Variants in KIRREL3 observed in about 807,000 individuals in gnomAD.
KIRREL3 encodes kin of IRRE-like protein 3.
A neutral mutation model predicts 89.7 loss-of-function variants in KIRREL3; 36 were observed. The observed-to-expected ratio is 0.40, with a 90% CI of 0.31 to 0.53. The LOEUF (loss-of-function observed/expected upper bound fraction) is 0.53, where lower values mean the gene tolerates loss of function less well. Ranked by LOEUF, KIRREL3 falls within the 20% of genes least tolerant of loss-of-function variation. The pLI is 0.49. For missense variants in KIRREL3, 864 were observed against 1,056.6 expected (o/e 0.82, Z 2.53); for synonymous variants, 445 against 441.4 (o/e 1.01, Z -0.10).
chr11:126,471,335 A>C lies in KIRREL3; in HGVS notation c.591+1974T>G, dbSNP rs1041844646. Among the ~76,000 whole-genome samples the C allele has an allele frequency of 2.6e-5, 4 of 152,102 alleles. No individual in the cohort carries two copies. In the East Asian group the frequency reaches 7.7e-4, roughly 29 times the overall value. On this transcript the variant is annotated intron_variant, in intron 5 of 16. Transcript: ENST00000525144. This position sits in a 1 kb window ranked among gnomAD's most constrained non-coding sequence, Gnocchi z 5.4. ...CGGTGAGCTGAGATCACGCCATTGCACTCCAGTCTGGGCAACAAGAGTGAA... is the reference window on the plus strand; with the variant it reads ...CGGTGAGCTGAGATCACGCCATTGCCCTCCAGTCTGGGCAACAAGAGTGAA...
At chr11:126,713,772 C>T (rs1947851287) in intron 1 of KIRREL3, among the ~76,000 whole-genome samples, 1 of 152,020 alleles carries the variant, frequency 6.6e-6, no homozygotes, top group Admixed American at 6.5e-5. Context: ...GTGGGCGAGA[C>T]CTCCTTGAAG....
Position 126,513,782 on chromosome 11 carries a change from C to A in KIRREL3, c.433+7533G>T, listed in dbSNP as rs79033089. 0.023 allele frequency among the ~76,000 whole-genome samples: 3,443 copies of A among 152,272 alleles called. 147 individuals are homozygous for A. The highest frequency in any genetic ancestry group is 0.079 in the African/African-American group (3,281 of 41,532). On this transcript the variant is annotated intron_variant, in intron 4 of 16. Coordinates refer to ENST00000525144, the MANE Select transcript of KIRREL3 (RefSeq NM_032531.4). This position sits in a 1 kb window ranked among gnomAD's most constrained non-coding sequence, Gnocchi z 5.9. ...CTGGGGCGACCCGCACACCTCAACT[C>A]AATGGCTGCAAGACCTCCAGGGAGA... is the stretch of plus-strand genomic sequence containing the variant.
In KIRREL3 at chr11:126,427,780, C is replaced by A. The variant is rs2134139088; in HGVS notation, c.1806+1399G>T. 6.6e-6 allele frequency among the ~76,000 whole-genome samples: 1 copy of A among 152,240 alleles called. No individual in the cohort carries two copies. The highest frequency in any genetic ancestry group is 2.4e-5 in the African/African-American group (1 of 41,552). On this transcript the variant is annotated intron_variant, in intron 15 of 16. Transcript: ENST00000525144. The surrounding 1 kb of genome is among the most constrained non-coding windows in gnomAD (Gnocchi z 5.3). The stretch of plus-strand genomic sequence containing the variant: ...TTTTAGAAAGGCTGCTTTCTCAAGG[C>A]TCTCGAGGGTGGATTGAGAAAAGAG...
At position 126,643,840 on chromosome 11, in the gene KIRREL3, G is replaced by T. The variant is rs1395188173; in HGVS notation, c.56-80928C>A. Reference sequence around the variant, plus strand: ...GACCAAAAAGATGAAGAGAATGAGGGGAGGAAGAGCAAAGCTGACCCTGAG... The same window carrying T: ...GACCAAAAAGATGAAGAGAATGAGGTGAGGAAGAGCAAAGCTGACCCTGAG... On this transcript the variant is annotated intron_variant, in intron 1 of 16. Transcript: ENST00000525144. The surrounding 1 kb of genome is among the most constrained non-coding windows in gnomAD (Gnocchi z 4.5). 6.6e-6 allele frequency among the ~76,000 whole-genome samples: 1 copy of T among 151,938 alleles called. No homozygotes were observed. The highest frequency in any genetic ancestry group is 2.4e-5 in the African/African-American group (1 of 41,352).
intron 1 of KIRREL3, among the ~76,000 whole-genome samples, chr11:126,963,719 T>A (rs1237474405): frequency 1.3e-5 from 2 of 152,184 alleles, no homozygotes; most frequent in Non-Finnish European, 2.9e-5. Context: ...CCTACACTTA[T>A]GAAATGTGTT....
chr11:126,824,895 T>C (rs1267417532), intron 1 of KIRREL3, among the ~76,000 whole-genome samples: 1 of 152,138 alleles, frequency 6.6e-6, no homozygotes, highest in East Asian at 1.9e-4. Context: ...ACAGAACCAT[T>C]TTAGGGTAAA....
At chr11:126,450,418 AGTGGGCATGTATGT>A (rs1383599768) in intron 7 of KIRREL3, among the ~76,000 whole-genome samples, 2 of 121,552 alleles carry the variant, frequency 1.6e-5, no homozygotes, top group African/African-American at 6.6e-5. Flanking sequence ...TGCATGTGTG[AGTGGGCATGTATGT>A]GTCCATGTGT....
intron 1 of KIRREL3, among the ~76,000 whole-genome samples, chr11:126,799,881 G>A (rs1269774421): frequency 6.6e-6 from 1 of 152,190 alleles, no homozygotes; most frequent in Non-Finnish European, 1.5e-5. Flanking sequence ...AAAAGCGCAG[G>A]AGCCTGGCTG....
chr11:126,604,242 C>T (rs891001814), intron 1 of KIRREL3, among the ~76,000 whole-genome samples: 3 of 152,168 alleles, frequency 2.0e-5, no homozygotes, highest in African/African-American at 7.2e-5. Context: ...AACGAGGACG[C>T]AGAGCTGACA....
At position 126,586,662 on chromosome 11, in the gene KIRREL3, A is replaced by G. The variant is rs187664797; in HGVS notation, c.56-23750T>C. 1.4e-4 allele frequency among the ~76,000 whole-genome samples: 22 copies of G among 152,246 alleles called. No individual in the cohort carries two copies. The East Asian group carries it at 3.5e-3, about 24-fold the overall frequency. Reference sequence around the variant, plus strand: ...TCTTTTGGCTTCAGATTCAATGTTTACAACGCCACATCAAGCCTCATCACT... The same window carrying G: ...TCTTTTGGCTTCAGATTCAATGTTTGCAACGCCACATCAAGCCTCATCACT... On this transcript the variant is annotated intron_variant, in intron 1 of 16. Coordinates refer to ENST00000525144, the MANE Select transcript of KIRREL3 (RefSeq NM_032531.4).
chr11:126,694,286 G>A lies in KIRREL3; in HGVS notation c.56-131374C>T, dbSNP rs1946999359. On this transcript the variant is annotated intron_variant, in intron 1 of 16. Transcript: ENST00000525144. This position sits in a 1 kb window ranked among gnomAD's most constrained non-coding sequence, Gnocchi z 4.4. Reference sequence around the variant, plus strand: ...ATGCTCACTGCAAATGGTTGTTCTTGTTTTATTGCTTATTTATGGGAATCT... The same window carrying A: ...ATGCTCACTGCAAATGGTTGTTCTTATTTTATTGCTTATTTATGGGAATCT... 6.6e-6 allele frequency among the ~76,000 whole-genome samples: 1 copy of A among 152,190 alleles called. No homozygotes were observed. The highest frequency in any genetic ancestry group is 6.5e-5 in the Admixed American group (1 of 15,280).
At chr11:126,511,288 C>T (rs997873688) in intron 4 of KIRREL3, among the ~76,000 whole-genome samples, 8 of 151,388 alleles carry the variant, frequency 5.3e-5, no homozygotes, top group East Asian at 1.9e-4. Context: ...CACGCCACTG[C>T]ACTCCAGGTT....
At chr11:126,626,086 A>G (rs1943772786) in intron 1 of KIRREL3, among the ~76,000 whole-genome samples, 1 of 152,232 alleles carries the variant, frequency 6.6e-6, no homozygotes, top group Non-Finnish European at 1.5e-5. Context: ...CTGCTGGGGT[A>G]GGGACTATCA....
chr11:126,724,178 C>T lies in KIRREL3; in HGVS notation c.56-161266G>A, dbSNP rs1948286584. Among the ~76,000 whole-genome samples the T allele has an allele frequency of 1.3e-5, 2 of 152,168 alleles. No individual in the cohort carries two copies. Among genetic ancestry groups the T allele is most frequent in the African/African-American group, 4.8e-5 (2 of 41,442 alleles). On this transcript the variant is annotated intron_variant, in intron 1 of 16. Transcript: ENST00000525144. This position sits in a 1 kb window ranked among gnomAD's most constrained non-coding sequence, Gnocchi z 4.3. ...AGAGACAATGTGGGGAAGAACATCA[C>T]CCCCATTTCAACCTTCAGAGGCAGG...
intron 1 of KIRREL3, among the ~76,000 whole-genome samples, chr11:126,699,339 A>G (rs1016678476): frequency 3.3e-5 from 5 of 152,242 alleles, no homozygotes; most frequent in African/African-American, 1.2e-4. Context: ...TCACATCACA[A>G]TTCATTCGAC....
chr11:126,714,818 C>A (rs187272133), intron 1 of KIRREL3, among the ~76,000 whole-genome samples: 8 of 152,266 alleles, frequency 5.3e-5, no homozygotes, highest in African/African-American at 1.9e-4. Context: ...GTCTCTGGGT[C>A]TGCTTTGAGG....
Position 126,570,150 on chromosome 11 carries a change from T to C in KIRREL3, c.56-7238A>G, listed in dbSNP as rs899655985. Among the ~76,000 whole-genome samples, 9 of 152,178 alleles carry C rather than the reference T, an allele frequency of 5.9e-5. No individual in the cohort carries two copies. Among genetic ancestry groups the C allele is most frequent in the African/African-American group, 1.7e-4 (7 of 41,438 alleles). On this transcript the variant is annotated intron_variant, in intron 1 of 16. Transcript: ENST00000525144. This position sits in a 1 kb window ranked among gnomAD's most constrained non-coding sequence, Gnocchi z 6.1. ...GATAAATGTTTAATTAGCCCAATAA[T>C]ACCTGTTTTATAATTTTTGGATCTC...
In KIRREL3 at chr11:126,615,788, G is replaced by C. The variant is rs1039740692; in HGVS notation, c.56-52876C>G. 6.6e-6 allele frequency among the ~76,000 whole-genome samples: 1 copy of C among 152,212 alleles called. No homozygotes were observed. Among genetic ancestry groups the C allele is most frequent in the Non-Finnish European group, 1.5e-5 (1 of 68,042 alleles). ...GAGCCTTACTACCTTTGGCTACATAGGCTCTGGGATGGCAGTGCTCTCTCA... is the reference window on the plus strand; with the variant it reads ...GAGCCTTACTACCTTTGGCTACATACGCTCTGGGATGGCAGTGCTCTCTCA... On this transcript the variant is annotated intron_variant, in intron 1 of 16. Transcript: ENST00000525144. This position sits in a 1 kb window ranked among gnomAD's most constrained non-coding sequence, Gnocchi z 5.4.
rs5795496 is a variant in KIRREL3 at position 126,446,285 on chromosome 11, C to CCTTTCTTTCTTT, written c.1125+462_1125+473dup. Among the ~76,000 whole-genome samples, 86 of 143,402 alleles carry CCTTTCTTTCTTT rather than the reference C, an allele frequency of 6.0e-4. 1 individual carries two copies. The highest frequency in any genetic ancestry group is 2.2e-3 in the African/African-American group (85 of 38,642). The allele number at this position is 143,402 out of a possible 152,430, so 94.1% of individuals were successfully genotyped here. A position where few individuals can be genotyped will look rare whatever the true frequency, so the allele number is the denominator to read the frequency against. On this transcript the variant is annotated intron_variant, in intron 9 of 16. Coordinates refer to ENST00000525144, the MANE Select transcript of KIRREL3 (RefSeq NM_032531.4). ...CTTTCTCTCTCTTTCTTTTCTTTCT[C>CCTTTCTTTCTTT]CTTTCTTTCTTTCTTTCTCTCTCTC...
Sources: gnomAD v4.1 joint callset for allele counts (sites outside exome capture counted in the v4.1 genomes callset) on GRCh38, gnomAD v4.1.1 for gene constraint, Gnocchi (gnomAD v3.1) non-coding constraint, MANE v1.5 for transcripts, NCBI Gene and HGNC (gene_info 2026-07-23, HGNC 2026-07-21) for gene names.